The following CFTR variants were observed in gnomAD, a reference collection of about 807,000 sequenced individuals.
CFTR encodes CF transmembrane conductance regulator.
In CFTR, 181 loss-of-function variants were observed where a neutral mutation model predicts 171.6. The observed-to-expected ratio is 1.05, with a 90% confidence interval of 0.93 to 1.19. The LOEUF (loss-of-function observed/expected upper bound fraction) is 1.19, where lower values mean the gene tolerates loss of function less well. Among genes scored for constraint, CFTR ranks in the 50% most tolerant of loss-of-function variants. The pLI, the probability that CFTR is intolerant of heterozygous loss-of-function variation, is 0.00. For missense variants in CFTR, 1,968 were observed against 1,734.7 expected (o/e 1.13, Z -2.39); for synonymous variants, 583 against 608.0 (o/e 0.96, Z 0.60).
intron 3 of CFTR, among the ~76,000 whole-genome samples, chr7:117,513,056 C>A (rs994760284): frequency 2.6e-5 from 4 of 152,038 alleles, no homozygotes; most frequent in Non-Finnish European, 5.9e-5. Flanking sequence ...AAGCCTACTG[C>A]TAATATGGGG....
At chr7:117,489,859 A>C (rs1302273647) in intron 1 of CFTR, among the ~76,000 whole-genome samples, 1 of 151,920 alleles carries the variant, frequency 6.6e-6, no homozygotes, top group Non-Finnish European at 1.5e-5. Context: ...AAATACATAC[A>C]TTTCAAATCA....
chr7:117,662,857 T>C (rs1793313354), intron 24 of CFTR, among the ~76,000 whole-genome samples: 2 of 152,112 alleles, frequency 1.3e-5, no homozygotes, highest in East Asian at 3.9e-4. Context: ...TAGGTGGTCA[T>C]CAATACCCTG....
At chr7:117,574,370 T>C (rs1268259133) in intron 11 of CFTR, among the ~76,000 whole-genome samples, 13 of 152,104 alleles carry the variant, frequency 8.5e-5, no homozygotes, top group Non-Finnish European at 1.8e-4. Flanking sequence ...CCCCACTATT[T>C]TATTTTATTC....
At chr7:117,661,983 GAAAA>G (rs57319132) in intron 24 of CFTR, among the ~76,000 whole-genome samples, 4,740 of 87,540 alleles carry the variant, frequency 0.054, 166 homozygotes, top group African/African-American at 0.12. Context: ...TAATTTTACT[GAAAA>G]AAAAAAAAAA....
intron 8 of CFTR, among the ~76,000 whole-genome samples, chr7:117,541,540 C>G (rs1289361979): frequency 6.6e-6 from 1 of 150,988 alleles, no homozygotes; most frequent in Non-Finnish European, 1.5e-5. Context: ...TTTAGAATCA[C>G]AGTTTGATGC....
intron 10 of CFTR, among the ~76,000 whole-genome samples, chr7:117,554,003 G>GT (rs1344104216): frequency 1.3e-5 from 2 of 152,150 alleles, no homozygotes; most frequent in Non-Finnish European, 2.9e-5. Flanking sequence ...AGGGAGGGTA[G>GT]AATACTGTCA....
intron 3 of CFTR, among the ~76,000 whole-genome samples, chr7:117,513,877 C>T (rs187107886): frequency 6.6e-6 from 1 of 152,320 alleles, no homozygotes; most frequent in Non-Finnish European, 1.5e-5. Context: ...CCATCCTAAA[C>T]TCCATCTCTA....
chr7:117,529,088 T>G (rs112212029), intron 3 of CFTR, among the ~76,000 whole-genome samples: 50 of 68,600 alleles, frequency 7.3e-4, no homozygotes, highest in African/African-American at 5.7e-3. Flanking sequence ...GCGGCACTAT[T>G]CACAATAGGA....
intron 3 of CFTR, among the ~76,000 whole-genome samples, chr7:117,524,249 C>G (rs10229261): frequency 6.6e-6 from 1 of 152,086 alleles, no homozygotes; most frequent in Non-Finnish European, 1.5e-5. Flanking sequence ...GATGCTTTGT[C>G]TGGTATGCAT....
At chr7:117,651,305 T>TA (rs941808934) in intron 23 of CFTR, among the ~76,000 whole-genome samples, 4 of 152,062 alleles carry the variant, frequency 2.6e-5, no homozygotes, top group Non-Finnish European at 4.4e-5. Flanking sequence ...GAAAAATATA[T>TA]AAAAAAAGCA....
intron 1 of CFTR, among the ~76,000 whole-genome samples, chr7:117,503,330 C>G (rs749743481): frequency 1.3e-5 from 2 of 152,124 alleles, no homozygotes; most frequent in Non-Finnish European, 2.9e-5. Flanking sequence ...TCACTAAATC[C>G]CAGTTCAATT....
intron 21 of CFTR, among the ~76,000 whole-genome samples, chr7:117,616,965 A>C (rs1407046659): frequency 6.6e-6 from 1 of 152,134 alleles, no homozygotes; most frequent in Non-Finnish European, 1.5e-5. Context: ...TCACCTCAGC[A>C]TATGTTGAGA....
chr7:117,620,022 T>C (rs1792550598), intron 21 of CFTR, among the ~76,000 whole-genome samples: 1 of 152,204 alleles, frequency 6.6e-6, no homozygotes, highest in Admixed American at 6.5e-5. Flanking sequence ...AATTTTCTTG[T>C]ACTGAAAGTA....
chr7:117,532,162 G>T (rs1405496651), intron 4 of CFTR, among the ~76,000 whole-genome samples: 1 of 151,808 alleles, frequency 6.6e-6, no homozygotes, highest in East Asian at 1.9e-4. Context: ...CAAAACATGT[G>T]ATAAGTCAAC....
rs766514320 is a variant in CFTR, at chr7:117,667,258, G to T, written c.*150G>T. The T allele has an allele frequency of 2.6e-6, 2 of 759,020 alleles. No homozygotes were observed. Among genetic ancestry groups the T allele is most frequent in the East Asian group, 2.7e-5 (1 of 36,694 alleles). 47.0% of individuals were successfully genotyped at this position (759,020 alleles called of 1,614,324 possible). A position where few individuals can be genotyped will look rare whatever the true frequency, so the allele number is the denominator to read the frequency against. ...TTTTTTTTTAAAAAAGAAACATTTG[G>T]TAAGGGGAATTGAGGACACTGATAT... On this transcript the variant is annotated 3_prime_UTR_variant, in exon 27 of 27. Transcript: ENST00000003084.
chr7:117,579,329 GA>G (rs1372260596), intron 11 of CFTR, among the ~76,000 whole-genome samples: 2 of 151,796 alleles, frequency 1.3e-5, no homozygotes, highest in African/African-American at 4.8e-5. Context: ...ACATCCCAAT[GA>G]GGTTGGTTTT....
chr7:117,614,257 C>T (rs960872548), intron 20 of CFTR, among the ~76,000 whole-genome samples: 4 of 151,910 alleles, frequency 2.6e-5, no homozygotes, highest in African/African-American at 9.7e-5. Flanking sequence ...TTCCCCATTG[C>T]CCATTCTAAT....
At position 117,536,529 on chromosome 7, in the gene CFTR, T is replaced by C. The variant is rs1798958759; in HGVS notation, c.744-19T>C. ...TTTTACTATTAGATTGATTGATTGA[T>C]TGATTGATTGATTTACAGAGATCAG... is the stretch of plus-strand genomic sequence containing the variant. On this transcript the variant is annotated intron_variant, in intron 6 of 26. Transcript: ENST00000003084. 7 of 1,564,420 alleles carry C rather than the reference T, an allele frequency of 4.5e-6. No homozygotes were observed. The East Asian group carries it at 1.2e-4, about 26-fold the overall frequency.
intron 21 of CFTR, among the ~76,000 whole-genome samples, chr7:117,623,153 C>A (rs34383834): frequency 6.6e-6 from 1 of 152,286 alleles, no homozygotes; most frequent in Non-Finnish European, 1.5e-5. Context: ...CAGAGGTCTG[C>A]ACAACTTATG....
Sources: gnomAD v4.1 joint callset for allele counts (sites outside exome capture counted in the v4.1 genomes callset) on GRCh38, gnomAD v4.1.1 for gene constraint, MANE v1.5 for transcripts, NCBI Gene and HGNC (gene_info 2026-07-23, HGNC 2026-07-21) for gene names.